The following OAS2 variants were observed in gnomAD, a reference collection of about 807,000 sequenced individuals.
OAS2 encodes the protein 2'-5'-oligoadenylate synthase 2.
Under a neutral mutation model 71.3 loss-of-function variants are expected in OAS2, and 67 were observed. The ratio of observed to expected loss-of-function variants is 0.94; its 90% CI spans 0.77 to 1.15. The LOEUF (loss-of-function observed/expected upper bound fraction) is 1.15. Ranked by LOEUF, OAS2 falls within the 50% of genes most tolerant of loss-of-function variation. The pLI, the probability that OAS2 is intolerant of heterozygous loss-of-function variation, is 0.00. For missense variants in OAS2, 789 were observed against 822.5 expected (o/e 0.96, Z 0.50); for synonymous variants, 327 against 321.8 (o/e 1.02, Z -0.17).
chr12:113,011,681 C>T lies in OAS2; in HGVS notation c.*2426C>T, dbSNP rs1218966351. ...CCTACATACTCTTTGTCTGGCTCTTCATTTGTATTCTTTATAATAAAATGG... is the reference window on the plus strand; with the variant it reads ...CCTACATACTCTTTGTCTGGCTCTTTATTTGTATTCTTTATAATAAAATGG... On this transcript the variant is annotated 3_prime_UTR_variant, in exon 10 of 10. Coordinates refer to ENST00000392583, the MANE Select transcript of OAS2 (RefSeq NM_002535.3). 6.6e-6 allele frequency: 1 copy of T among 152,196 alleles called. No individual in the cohort carries two copies. The highest frequency in any genetic ancestry group is 1.5e-5 in the Non-Finnish European group (1 of 68,038). The allele number at this position is 152,196 out of a possible 1,614,324, so 9.4% of individuals were successfully genotyped here. A position where few individuals can be genotyped will look rare whatever the true frequency, so the allele number is the denominator to read the frequency against.
intron 7 of OAS2, among the ~76,000 whole-genome samples, chr12:113,005,629 A>G (rs1339140818): frequency 6.6e-6 from 1 of 151,794 alleles, no homozygotes; most frequent in Admixed American, 6.6e-5. Context: ...GTATCTTGGG[A>G]GGCCGAGGCG....
intron 5 of OAS2, among the ~76,000 whole-genome samples, chr12:112,998,964 A>T (rs1055541985): frequency 6.6e-6 from 1 of 152,196 alleles, no homozygotes; most frequent in African/African-American, 2.4e-5. Context: ...ATCACACACC[A>T]TCAGGGCAAT....
At chr12:113,000,585 A>G (rs1458900082) in intron 5 of OAS2, among the ~76,000 whole-genome samples, 3 of 151,314 alleles carry the variant, frequency 2.0e-5, no homozygotes, top group South Asian at 2.1e-4. Flanking sequence ...ACACGCACAC[A>G]CATACATGCA....
chr12:113,002,123 A>G (rs1715630864), intron 5 of OAS2, among the ~76,000 whole-genome samples: 1 of 152,182 alleles, frequency 6.6e-6, no homozygotes. Flanking sequence ...TTCATACACC[A>G]AGCCTCAGCG....
intron 6 of OAS2, among the ~76,000 whole-genome samples, chr12:113,003,343 T>C (rs2044305936): frequency 1.3e-5 from 2 of 152,164 alleles, no homozygotes; most frequent in Admixed American, 6.5e-5. Context: ...TTGGCCGTCC[T>C]TGGGGCTCTT....
At chr12:112,985,613 T>C (rs900357804) in intron 1 of OAS2, among the ~76,000 whole-genome samples, 5 of 152,254 alleles carry the variant, frequency 3.3e-5, no homozygotes, top group Admixed American at 2.0e-4. Flanking sequence ...ACTGAATTTC[T>C]TTAATATCAT....
At chr12:112,988,557 T>C in intron 2 of OAS2, 3 of 937,626 alleles carry the variant, frequency 3.2e-6, no homozygotes, top group Non-Finnish European at 3.8e-6. Context: ...TAGTTCACCA[T>C]GTACAGAGAA....
In OAS2 at chr12:113,011,275, T is replaced by G. The variant is rs1199743814; in HGVS notation, c.*2020T>G. 1 of 152,174 alleles carries G rather than the reference T, an allele frequency of 6.6e-6. No homozygotes were observed. The highest frequency in any genetic ancestry group is 1.5e-5 in the Non-Finnish European group (1 of 68,038). The allele number at this position is 152,174 out of a possible 1,614,324, so 9.4% of individuals were successfully genotyped here. ...AAATTCTAGAGTTTCCTGATAGGAG[T>G]GTCTTTTGTATTCATAACAAGCCCT... On this transcript the variant is annotated 3_prime_UTR_variant, in exon 10 of 10. Transcript: ENST00000392583.
At chr12:112,984,939 G>T (rs1247928900) in intron 1 of OAS2, among the ~76,000 whole-genome samples, 1 of 138,826 alleles carries the variant, frequency 7.2e-6, no homozygotes, top group Non-Finnish European at 1.6e-5. Context: ...ATTCTTGTCT[G>T]AAAGGGTTTT....
At position 112,978,562 on chromosome 12, in the gene OAS2, C is replaced by A; in HGVS notation, c.-47C>A. 1 of 1,601,484 alleles carries A rather than the reference C, an allele frequency of 6.2e-7. No homozygotes were observed. Among genetic ancestry groups the A allele is most frequent in the Non-Finnish European group, 8.5e-7 (1 of 1,169,650 alleles). On this transcript the variant is annotated 5_prime_UTR_variant, in exon 1 of 10. Coordinates refer to ENST00000392583, the MANE Select transcript of OAS2 (RefSeq NM_002535.3). This position sits in a 1 kb window ranked among gnomAD's most constrained non-coding sequence, Gnocchi z 4.2. ...CTGGGCAGCAGCAAGAATTCCTCTG[C>A]CTCCCATCCTACCATTCACTGTCTT...
chr12:112,987,505 G>T (rs1375193482), intron 2 of OAS2, 197 bp downstream of exon 2: 1 of 1,421,474 alleles, frequency 7.0e-7, no homozygotes, highest in African/African-American at 1.4e-5. Flanking sequence ...CCCATACCCT[G>T]ATTGTCTTTG....
At chr12:112,986,537 G>GC (rs2044137310) in intron 1 of OAS2, among the ~76,000 whole-genome samples, 1 of 152,160 alleles carries the variant, frequency 6.6e-6, no homozygotes, top group African/African-American at 2.4e-5. Flanking sequence ...CCATCCTTAG[G>GC]CCTCTGGATG....
At position 112,981,951 on chromosome 12, in the gene OAS2, A is replaced by C. The variant is rs73422059; in HGVS notation, c.177+3166A>C. On this transcript the variant is annotated intron_variant, in intron 1 of 9. Transcript: ENST00000392583. ...CACTTCCTTAGTTAAATGCATTCCTAGGTATTTTTGTTAAATACTATAAGA... is the reference window on the plus strand; with the variant it reads ...CACTTCCTTAGTTAAATGCATTCCTCGGTATTTTTGTTAAATACTATAAGA... Among the ~76,000 whole-genome samples the C allele has an allele frequency of 5.2e-3, 788 of 152,268 alleles. 8 individuals are homozygous for C. The highest frequency in any genetic ancestry group is 0.018 in the African/African-American group (766 of 41,564).
chr12:113,009,019 G>A (rs1218741135), intron 9 of OAS2, 68 bp from the exon 10 acceptor site: 26 of 1,561,504 alleles, frequency 1.7e-5, no homozygotes, highest in South Asian at 2.5e-5. Flanking sequence ...AAGTATTATA[G>A]GATGGACCCC....
chr12:113,009,829 A>G lies in OAS2; in HGVS notation c.*574A>G. 1.9e-5 allele frequency: 19 copies of G among 986,694 alleles called. No homozygotes were observed. The highest frequency in any genetic ancestry group is 2.0e-5 in the Non-Finnish European group (17 of 830,940). 61.1% of individuals were successfully genotyped at this position (986,694 alleles called of 1,614,324 possible). A position where few individuals can be genotyped will look rare whatever the true frequency, so the allele number is the denominator to read the frequency against. On this transcript the variant is annotated 3_prime_UTR_variant, in exon 10 of 10. Transcript: ENST00000392583. ...GGACGTGGGTTGCACTGGCCACCCA[A>G]GGATGTCTGCCACACCTCTCCAAAG... is the stretch of plus-strand genomic sequence containing the variant.
chr12:112,990,919 C>A (rs1457919040), intron 2 of OAS2, among the ~76,000 whole-genome samples: 1 of 152,114 alleles, frequency 6.6e-6, no homozygotes, highest in Non-Finnish European at 1.5e-5. Flanking sequence ...TTTGGGGGTT[C>A]CCCTTGGCCA....
rs913523491 is a variant in OAS2, at chr12:112,997,679, A to G, written c.787A>G (p.Ile263Val). ...ELIKCQEKLC[I>V]YWMVNYNFED... ...GATCAAATGCCAGGAGAAGCTGTGT[A>G]TCTATTGGATGGTCAACTACAACTT... Residue 263 changes from isoleucine to valine, a missense_variant, in exon 4 of 10, where the codon ATC becomes GTC. By Grantham distance (29) the Ile-to-Val change is conservative. Transcript: ENST00000392583. The G allele has an allele frequency of 6.2e-7, 1 of 1,613,950 alleles. No individual in the cohort carries two copies. The highest frequency in any genetic ancestry group is 8.5e-7 in the Non-Finnish European group (1 of 1,179,920).
chr12:112,985,850 A>G (rs867041317), intron 1 of OAS2, among the ~76,000 whole-genome samples: 23 of 152,338 alleles, frequency 1.5e-4, no homozygotes, highest in Middle Eastern at 6.8e-3. Context: ...GCTCATGCCT[A>G]TAATCCCAGT....
Position 113,009,767 on chromosome 12 carries a change from C to T in OAS2, c.*512C>T, listed in dbSNP as rs1293743. ...TTCATTGCTCAGAAATGTCATGTGG[C>T]TACCTGTAACTTGAAGGTGGCTACA... On this transcript the variant is annotated 3_prime_UTR_variant, in exon 10 of 10. Coordinates refer to ENST00000392583, the MANE Select transcript of OAS2 (RefSeq NM_002535.3). 0.67 allele frequency: 657,810 copies of T among 986,518 alleles called. 222,708 individuals carry two copies. Among genetic ancestry groups the T allele is most frequent in the East Asian group, 0.99 (8,779 of 8,830 alleles). 61.1% of individuals were successfully genotyped at this position (986,518 alleles called of 1,614,324 possible). A position where few individuals can be genotyped will look rare whatever the true frequency, so the allele number is the denominator to read the frequency against.
Sources: allele counts gnomAD v4.1 joint callset (sites outside exome capture counted in the v4.1 genomes callset), GRCh38; gene constraint gnomAD v4.1.1; non-coding constraint Gnocchi (gnomAD v3.1); transcripts MANE v1.5; gene names NCBI Gene and HGNC (gene_info 2026-07-23, HGNC 2026-07-21).